STK3: variants seen among roughly 807,000 people sequenced by gnomAD.
STK3 encodes the protein serine/threonine kinase 3.
A neutral mutation model predicts 58.0 loss-of-function variants in STK3; 41 were observed. The ratio of observed to expected loss-of-function variants is 0.71; its 90% CI spans 0.55 to 0.92. STK3 has a LOEUF of 0.92. Ranked by LOEUF, STK3 falls within the 40% of genes least tolerant of loss-of-function variation. The pLI is 0.00. For missense variants in STK3, 479 were observed against 602.7 expected (o/e 0.79, Z 2.15); for synonymous variants, 170 against 191.0 (o/e 0.89, Z 0.91).
chr8:98,710,125 C>G (rs1471680885), intron 4 of STK3, among the ~76,000 whole-genome samples: 1 of 151,758 alleles, frequency 6.6e-6, no homozygotes, highest in East Asian at 1.9e-4. Context: ...TCTAAAGATT[C>G]CACAAAAAAA....
chr8:98,421,398 C>T (rs1406485051), intron 3 of STK3, among the ~76,000 whole-genome samples: 2 of 152,300 alleles, frequency 1.3e-5, no homozygotes, highest in South Asian at 2.1e-4. Context: ...GTGGTTGCCC[C>T]TACCCTTGCA....
intron 6 of STK3, among the ~76,000 whole-genome samples, chr8:98,693,409 T>A (rs1252438883): frequency 6.6e-6 from 1 of 151,806 alleles, no homozygotes; most frequent in African/African-American, 2.4e-5. Context: ...AAGAAGATGA[T>A]GATGATGACA....
At chr8:98,401,330 C>G (rs1817942056), downstream of STK3, 1 of 152,156 alleles carries the variant, frequency 6.6e-6, no homozygotes, top group Non-Finnish European at 1.5e-5. Context: ...CAAGAGCCAC[C>G]CAGCGGAGCC....
At chr8:98,394,561 G>T (rs1380084349) in intron 3 of STK3, among the ~76,000 whole-genome samples, 1 of 152,130 alleles carries the variant, frequency 6.6e-6, no homozygotes, top group Admixed American at 6.5e-5. Context: ...AGTTTCAGCA[G>T]ATTTGTTACA....
At chr8:98,914,960 T>C (rs1306420784) in intron 1 of STK3, among the ~76,000 whole-genome samples, 2 of 152,238 alleles carry the variant, frequency 1.3e-5, no homozygotes, top group African/African-American at 4.8e-5. Flanking sequence ...TCATTTCTGC[T>C]ACTTACTGTG....
intron 9 of STK3, among the ~76,000 whole-genome samples, chr8:98,546,438 T>C (rs1355391353): frequency 6.6e-6 from 1 of 151,932 alleles, no homozygotes; most frequent in African/African-American, 2.4e-5. Context: ...AAGTTGTTCA[T>C]ATAGTTTCAT....
At chr8:98,427,979 C>A in intron 3 of STK3, 2 of 1,527,116 alleles carry the variant, frequency 1.3e-6, no homozygotes, top group South Asian at 1.2e-5. Context: ...GCGCCTCCAG[C>A]ATGACCGGCC....
chr8:98,545,573 T>C (rs1810635912), intron 9 of STK3, among the ~76,000 whole-genome samples: 1 of 152,184 alleles, frequency 6.6e-6, no homozygotes, highest in African/African-American at 2.4e-5. Flanking sequence ...AATAGGCCCA[T>C]AATTTCTAGC....
rs180755398 is a variant in STK3, at chr8:98,570,706, T to C, written c.948+8958A>G. Among the ~76,000 whole-genome samples, 55 of 152,224 alleles carry C rather than the reference T, an allele frequency of 3.6e-4. No individual in the cohort carries two copies. The Middle Eastern group carries it at 0.01, about 28-fold the overall frequency. On this transcript the variant is annotated intron_variant, in intron 8 of 10. Coordinates refer to ENST00000419617, the MANE Select transcript of STK3 (RefSeq NM_006281.4). Reference sequence around the variant, plus strand: ...CAAAATGTTACAACAGCAGTAGTGATGGTATAAGTAGTGGCATTAATAAAA... The same window carrying C: ...CAAAATGTTACAACAGCAGTAGTGACGGTATAAGTAGTGGCATTAATAAAA...
chr8:98,811,784 C>T (rs1258539571), intron 1 of STK3, among the ~76,000 whole-genome samples: 3 of 152,132 alleles, frequency 2.0e-5, no homozygotes, highest in Admixed American at 6.5e-5. Context: ...ACATCAACTA[C>T]AGGAAGTACA....
In STK3 at chr8:98,773,733, G is replaced by A. The variant is rs181162407; in HGVS notation, c.107+1006C>T. 8.6e-3 allele frequency among the ~76,000 whole-genome samples: 1,309 copies of A among 152,052 alleles called. 9 individuals carry two copies. Among genetic ancestry groups the A allele is most frequent in the African/African-American group, 0.03 (1,233 of 41,478 alleles). On this transcript the variant is annotated intron_variant, in intron 2 of 10. Transcript: ENST00000419617. ...TGGGAAAATTAACATTTACTGAAAA[G>A]TACACTTGATTTTATTCCTTCCATC...
At chr8:98,799,430 AAG>A (rs925264702) in intron 1 of STK3, among the ~76,000 whole-genome samples, 6 of 151,996 alleles carry the variant, frequency 3.9e-5, no homozygotes, top group Admixed American at 1.3e-4. Flanking sequence ...GTCACAGAGA[AAG>A]AGAGAGACAA....
chr8:98,488,031 TA>T (rs1424927240), intron 10 of STK3, among the ~76,000 whole-genome samples: 3 of 152,242 alleles, frequency 2.0e-5, no homozygotes, highest in Non-Finnish European at 1.5e-5. Context: ...AGAGTTTCTC[TA>T]TACACATTAA....
At chr8:98,434,200 C>T (rs1209457966) in exon 3 of STK3, 2 of 152,208 alleles carry the variant, frequency 1.3e-5, no homozygotes. Context: ...CTGTGTTAAC[C>T]TTGCCCCGCA....
intron 1 of STK3, among the ~76,000 whole-genome samples, chr8:98,784,638 G>C (rs1468053612): frequency 6.6e-6 from 1 of 152,048 alleles, no homozygotes; most frequent in Admixed American, 6.5e-5. Context: ...GGCAGATCTA[G>C]AGCTATTCAG....
chr8:98,591,488 C>T (rs922469183), intron 7 of STK3, among the ~76,000 whole-genome samples: 1 of 152,182 alleles, frequency 6.6e-6, no homozygotes, highest in Non-Finnish European at 1.5e-5. Context: ...AGCACTTGTA[C>T]TTAAAAACTT....
At chr8:98,823,087 C>T (rs948963549) in intron 1 of STK3, among the ~76,000 whole-genome samples, 4 of 152,130 alleles carry the variant, frequency 2.6e-5, no homozygotes, top group Non-Finnish European at 4.4e-5. Context: ...GTCATAAAAC[C>T]ATGGAATGGG....
rs533575572 is a variant in STK3 at position 98,571,682 on chromosome 8, A to T, written c.948+7982T>A. 2.6e-5 allele frequency among the ~76,000 whole-genome samples: 4 copies of T among 152,298 alleles called. No individual in the cohort carries two copies. In the East Asian group the frequency reaches 7.7e-4, roughly 29 times the overall value. ...AGACCAATTAGACTTCTTTTCTTTG[A>T]GTCATTAATAAGTTAATATGAAGTC... is the stretch of plus-strand genomic sequence containing the variant. On this transcript the variant is annotated intron_variant, in intron 8 of 10. Coordinates refer to ENST00000419617, the MANE Select transcript of STK3 (RefSeq NM_006281.4).
intron 4 of STK3, among the ~76,000 whole-genome samples, chr8:98,741,119 G>C (rs887079455): frequency 1.3e-5 from 2 of 152,106 alleles, no homozygotes; most frequent in Admixed American, 6.5e-5. Flanking sequence ...CCTACATAGA[G>C]ACTTAGACTC....
Sources: gnomAD v4.1 joint callset for allele counts (sites outside exome capture counted in the v4.1 genomes callset) on GRCh38, gnomAD v4.1.1 for gene constraint, MANE v1.5 for transcripts, NCBI Gene and HGNC (gene_info 2026-07-23, HGNC 2026-07-21) for gene names.